The following TMEM178A variants were observed in gnomAD, a reference collection of about 807,000 sequenced individuals.
TMEM178A encodes the protein transmembrane protein 178A, also known as transmembrane protein 178.
A neutral mutation model predicts 29.1 loss-of-function variants in TMEM178A; 12 were observed. That is an observed-to-expected ratio of 0.41 (90% CI 0.26 to 0.67). The LOEUF is 0.67. Among genes scored for constraint, TMEM178A ranks in the 30% least tolerant of loss-of-function variants. The probability of loss-of-function intolerance (pLI) is 0.29; values close to 1 mark genes in which losing one functional copy is unlikely to be tolerated. For synonymous variants in TMEM178A, 210 were observed against 187.2 expected, an observed-to-expected ratio of 1.12 and a Z score of -0.99; for missense variants, 366 against 419.1, an observed-to-expected ratio of 0.87 and a Z score of 1.11.
chr2:39,704,959 C>T (rs898273256), intron 2 of TMEM178A, among the ~76,000 whole-genome samples: 1 of 152,188 alleles, frequency 6.6e-6, no homozygotes, highest in Non-Finnish European at 1.5e-5. Context: ...AAGTAAATCT[C>T]TCTGCGGATT....
At chr2:39,675,535 G>C (rs888698617) in intron 1 of TMEM178A, among the ~76,000 whole-genome samples, 4 of 152,178 alleles carry the variant, frequency 2.6e-5, no homozygotes, top group African/African-American at 9.7e-5. Flanking sequence ...TGATTCTGCG[G>C]TATTATTTTG....
At chr2:39,694,774 C>G (rs1243675149) in intron 1 of TMEM178A, among the ~76,000 whole-genome samples, 13 of 152,114 alleles carry the variant, frequency 8.5e-5, no homozygotes, top group Non-Finnish European at 4.4e-5. Flanking sequence ...TAAAATTAAT[C>G]TCACCTATTT....
At chr2:39,725,562 T>G in the TMEM178A span, among the ~76,000 whole-genome samples, 9 of 152,180 alleles carry the variant, frequency 5.9e-5, no homozygotes, top group Non-Finnish European at 1.0e-4. Context: ...ATTCTGGACT[T>G]TTATGGCTGT....
chr2:39,695,137 A>G (rs1410614488), intron 1 of TMEM178A, among the ~76,000 whole-genome samples: 2 of 152,134 alleles, frequency 1.3e-5, no homozygotes, highest in African/African-American at 4.8e-5. Flanking sequence ...CTGTCCTATG[A>G]CTGCATGATT....
At chr2:39,732,816 C>G in the TMEM178A span, among the ~76,000 whole-genome samples, 7 of 152,254 alleles carry the variant, frequency 4.6e-5, no homozygotes, top group South Asian at 1.2e-3. Flanking sequence ...ATCTCTTAGC[C>G]CAGGCCTCAA....
rs762136722 is a variant in TMEM178A, at chr2:39,717,655, G to C, written c.*404G>C. 6.2e-6 allele frequency: 1 copy of C among 160,682 alleles called. No homozygotes were observed. The highest frequency in any genetic ancestry group is 1.4e-5 in the Non-Finnish European group (1 of 72,628). 10.0% of individuals were successfully genotyped at this position (160,682 alleles called of 1,614,324 possible). A position where few individuals can be genotyped will look rare whatever the true frequency, so the allele number is the denominator to read the frequency against. On this transcript the variant is annotated 3_prime_UTR_variant, in exon 4 of 4. Transcript: ENST00000281961. Reference sequence around the variant, plus strand: ...ATTTTCTTGTCATTGTATCATGCTTGTTAAATTTTAATGCAGCATCTTCAG... The same window carrying C: ...ATTTTCTTGTCATTGTATCATGCTTCTTAAATTTTAATGCAGCATCTTCAG...
Position 39,666,236 on chromosome 2 carries a change from G to A in TMEM178A, c.262G>A (p.Glu88Lys). The A allele has an allele frequency of 2.2e-6, 3 of 1,349,300 alleles. No individual in the cohort carries two copies. Among genetic ancestry groups the A allele is most frequent in the Non-Finnish European group, 9.4e-7 (1 of 1,058,264 alleles). The allele number at this position is 1,349,300 out of a possible 1,614,324, so 83.6% of individuals were successfully genotyped here. ...GGGCGGCCCGGGGCGCGCCGACCCC[G>A]AGTCCTGGCGCTCGCTCCTGGGGCT... ...LPGGPGRADPESWRSLLGLGG... is the reference protein window; with the variant it reads ...LPGGPGRADPKSWRSLLGLGG... The change falls in exon 1 of 4, where the codon GAG becomes AAG. Residue 88 changes from glutamate (E) to lysine (K), a missense_variant. This residue lies in a region of TMEM178A where 247 missense variants were observed against 246.8 expected (regional missense o/e 1.00). Transcript: ENST00000281961.
chr2:39,717,403 C>A lies in TMEM178A; in HGVS notation c.*152C>A. The A allele has an allele frequency of 1.8e-6, 2 of 1,138,818 alleles. No homozygotes were observed. The highest frequency in any genetic ancestry group is 2.6e-5 in the East Asian group (1 of 38,488). The allele number at this position is 1,138,818 out of a possible 1,614,324, so 70.5% of individuals were successfully genotyped here. The stretch of plus-strand genomic sequence containing the variant: ...TGATAGAAAATCATGCAAAACCTCC[C>A]AACCTTTCTAAGGACAAGACTACTG... On this transcript the variant is annotated 3_prime_UTR_variant, in exon 4 of 4. Coordinates refer to ENST00000281961, the MANE Select transcript of TMEM178A (RefSeq NM_152390.3).
intron 2 of TMEM178A, among the ~76,000 whole-genome samples, chr2:39,705,012 T>C (rs1371514816): frequency 6.6e-6 from 1 of 152,208 alleles, no homozygotes; most frequent in Non-Finnish European, 1.5e-5. Context: ...ATGGAAGCTC[T>C]TATGATATTG....
intron 1 of TMEM178A, among the ~76,000 whole-genome samples, chr2:39,676,762 G>T (rs757028569): frequency 6.6e-6 from 1 of 152,142 alleles, no homozygotes; most frequent in Non-Finnish European, 1.5e-5. Context: ...GTGTTCAGGC[G>T]GCAGTCCCAT....
chr2:39,686,803 C>T (rs1414938690), intron 1 of TMEM178A, among the ~76,000 whole-genome samples: 1 of 152,140 alleles, frequency 6.6e-6, no homozygotes. Flanking sequence ...TCCCAAATAG[C>T]TGATTTAAGG....
At chr2:39,730,612 G>A in the TMEM178A span, among the ~76,000 whole-genome samples, 1 of 152,176 alleles carries the variant, frequency 6.6e-6, no homozygotes, top group African/African-American at 2.4e-5. Flanking sequence ...AGTATTGGTG[G>A]TGGTGGTGTG....
chr2:39,671,791 G>A (rs765201220), intron 1 of TMEM178A, among the ~76,000 whole-genome samples: 10 of 152,092 alleles, frequency 6.6e-5, no homozygotes, highest in Non-Finnish European at 1.0e-4. Context: ...TGTACAGACC[G>A]CACTCTCAAG....
the TMEM178A span, among the ~76,000 whole-genome samples, chr2:39,733,340 T>C: frequency 6.6e-6 from 1 of 152,214 alleles, no homozygotes; most frequent in Non-Finnish European, 1.5e-5. Context: ...TTTTTTCTTT[T>C]TAGCATATTA....
intron 1 of TMEM178A, among the ~76,000 whole-genome samples, chr2:39,683,399 C>T (rs1670949680): frequency 1.3e-5 from 2 of 152,156 alleles, no homozygotes; most frequent in Admixed American, 1.3e-4. Context: ...AAAATAAGGC[C>T]AGTCTCACAT....
chr2:39,686,427 A>T (rs1438227629), intron 1 of TMEM178A, among the ~76,000 whole-genome samples: 1 of 152,010 alleles, frequency 6.6e-6, no homozygotes, highest in East Asian at 1.9e-4. Context: ...TTTTTTTTTA[A>T]TTACCTACTT....
In TMEM178A at chr2:39,679,471, A is replaced by AAAGAGGCAC. The variant is rs1456449672; in HGVS notation, c.400+13099_400+13100insGAGGCACAA. Among the ~76,000 whole-genome samples the AAAGAGGCAC allele has an allele frequency of 7.9e-4, 121 of 152,320 alleles. 4 individuals are homozygous for AAAGAGGCAC. In the East Asian group the frequency reaches 0.021, roughly 27 times the overall value. On this transcript the variant is annotated intron_variant, in intron 1 of 3. Transcript: ENST00000281961. ...ATACACTTTTTTTTGAAGTATTCAA[A>AAAGAGGCAC]AAAAATCAGTGTATAACTAACAAAG...
Position 39,686,963 on chromosome 2 carries a change from ATGTGTGTGTGTGTGTG to A in TMEM178A, c.401-17080_401-17065del, listed in dbSNP as rs4015737. ...TGGCAGAGTATATGTGCACATATGCATGTGTGTGTGTGTGTGTGTGTGTGTGTGTGTGTGTGTGTGT... is the reference window on the plus strand; with the variant it reads ...TGGCAGAGTATATGTGCACATATGCATGTGTGTGTGTGTGTGTGTGTGTGT... On this transcript the variant is annotated intron_variant, in intron 1 of 3. Transcript: ENST00000281961. Among the ~76,000 whole-genome samples, 1,137 of 120,316 alleles carry A rather than the reference ATGTGTGTGTGTGTGTG, an allele frequency of 9.5e-3. 22 individuals are homozygous for A. The highest frequency in any genetic ancestry group is 0.03 in the African/African-American group (968 of 31,744). The allele number at this position is 120,316 out of a possible 152,430, so 78.9% of individuals were successfully genotyped here.
At chr2:39,713,013 T>C (rs1170868512) in intron 3 of TMEM178A, among the ~76,000 whole-genome samples, 1 of 152,242 alleles carries the variant, frequency 6.6e-6, no homozygotes, top group African/African-American at 2.4e-5. Context: ...GAATTCAGTT[T>C]CGTTCAGGTT....
Sources: gnomAD v4.1 joint callset for allele counts (sites outside exome capture counted in the v4.1 genomes callset) on GRCh38, gnomAD v4.1.1 for gene constraint, gnomAD v4.1.1 regional missense constraint, MANE v1.5 for transcripts, NCBI Gene and HGNC (gene_info 2026-07-23, HGNC 2026-07-21) for gene names.